The following SMNDC1 variants were observed in gnomAD, a reference collection of about 807,000 sequenced individuals.
SMNDC1 encodes survival motor neuron domain containing 1.
A neutral mutation model predicts 29.2 loss-of-function variants in SMNDC1; 5 were observed. That is an observed-to-expected ratio of 0.17 (90% CI 0.09 to 0.36). The LOEUF (loss-of-function observed/expected upper bound fraction) is 0.36. SMNDC1 is among the 10% of genes least tolerant of loss of function. The pLI is 1.00. For synonymous variants in SMNDC1, 80 were observed against 89.9 expected (o/e 0.89, Z 0.62); for missense variants, 142 against 268.5 (o/e 0.53, Z 3.29).
intron 1 of SMNDC1, 101 bp from the exon 2 acceptor site, chr10:110,303,688 A>G: frequency 9.3e-7 from 1 of 1,079,882 alleles, no homozygotes; most frequent in Non-Finnish European, 1.3e-6. Context: ...TTTTGCCTCT[A>G]ACTCCTTCTA....
rs377458946 is a variant in SMNDC1, at chr10:110,295,410, G to C, written c.426-29C>G. 17 of 1,543,276 alleles carry C rather than the reference G, an allele frequency of 1.1e-5. No individual in the cohort carries two copies. The African/African-American group carries it at 2.1e-4, about 19-fold the overall frequency. Reference sequence around the variant, plus strand: ...CATGAAAAAAAGTTAAATGTCAACTGTTAAGACTTATCATACAAGAATGAC... The same window carrying C: ...CATGAAAAAAAGTTAAATGTCAACTCTTAAGACTTATCATACAAGAATGAC... On this transcript the variant is annotated intron_variant, in intron 4 of 5. Transcript: ENST00000369603.
At chr10:110,304,480 C>G (rs1273379269) in intron 1 of SMNDC1, 2 of 152,408 alleles carry the variant, frequency 1.3e-5, no homozygotes, top group Non-Finnish European at 2.9e-5. Context: ...CGCGCTCCAA[C>G]AGGCAGGCTC....
intron 5 of SMNDC1, 28 bp downstream of exon 5, chr10:110,295,200 T>C: frequency 6.4e-7 from 1 of 1,559,272 alleles, no homozygotes; most frequent in Non-Finnish European, 8.6e-7. Flanking sequence ...ATTTCTCAAA[T>C]TTACAAAGTG....
At chr10:110,301,614 T>C (rs1406751025) in intron 2 of SMNDC1, among the ~76,000 whole-genome samples, 1 of 152,234 alleles carries the variant, frequency 6.6e-6, no homozygotes, top group African/African-American at 2.4e-5. Context: ...TAAGTAAACC[T>C]AGCTGTATTT....
Position 110,303,455 on chromosome 10 carries a change from T to C in SMNDC1, c.120+13A>G. On this transcript the variant is annotated intron_variant, in intron 2 of 5. Transcript: ENST00000369603. ...AAAACAGAGAAAAAGTACAATTGTC[T>C]ACCCATACTTACTTGTAAATCTTTC... 6.4e-7 allele frequency: 1 copy of C among 1,560,594 alleles called. No individual in the cohort carries two copies. Among genetic ancestry groups the C allele is most frequent in the Non-Finnish European group, 8.6e-7 (1 of 1,162,156 alleles).
At chr10:110,303,650 A>T (rs1471156620) in intron 1 of SMNDC1, 63 bp from the exon 2 acceptor site, 1 of 1,508,566 alleles carries the variant, frequency 6.6e-7, no homozygotes, top group Non-Finnish European at 8.8e-7. Flanking sequence ...ATAAAAAACT[A>T]ACTCCCCTGT....
intron 4 of SMNDC1, among the ~76,000 whole-genome samples, chr10:110,296,178 A>G (rs978640341): frequency 2.0e-5 from 3 of 152,312 alleles, no homozygotes; most frequent in African/African-American, 7.2e-5. Flanking sequence ...TCTCACCAAA[A>G]CAAAACACCT....
At chr10:110,304,036 C>T (rs538450145) in intron 1 of SMNDC1, 1 of 155,200 alleles carries the variant, frequency 6.4e-6, no homozygotes, top group Non-Finnish European at 1.4e-5. Context: ...ACACAAACTA[C>T]GATCTTTACT....
intron 4 of SMNDC1, 129 bp from the exon 5 acceptor site, chr10:110,295,510 A>T (rs1030486466): frequency 3.4e-6 from 2 of 590,602 alleles, no homozygotes; most frequent in Non-Finnish European, 5.5e-6. Flanking sequence ...AAAAGTACTA[A>T]ATCATTAAAA....
chr10:110,299,564 G>A (rs562269867), intron 2 of SMNDC1, among the ~76,000 whole-genome samples: 1 of 152,204 alleles, frequency 6.6e-6, no homozygotes, highest in South Asian at 2.1e-4. Flanking sequence ...ATTGAGAACA[G>A]TACAAGCCGA....
intron 1 of SMNDC1, 111 bp from the exon 2 acceptor site, chr10:110,303,698 A>C: frequency 1.0e-6 from 1 of 978,444 alleles, no homozygotes; most frequent in Non-Finnish European, 1.5e-6. Context: ...AACTCCTTCT[A>C]ACACTGCAGC....
rs1019800168 is a variant in SMNDC1 at position 110,300,714 on chromosome 10, C to T, written c.121-1924G>A. 3.1e-5 allele frequency: 31 copies of T among 985,238 alleles called. No individual in the cohort carries two copies. In the South Asian group the frequency reaches 7.5e-4, roughly 24 times the overall value. The allele number at this position is 985,238 out of a possible 1,614,324, so 61.0% of individuals were successfully genotyped here. The stretch of plus-strand genomic sequence containing the variant: ...AAGCACTCTGCTTACTGAAGGAAGG[C>T]GTTTCGGGGATGCAGAGAGCCACTG... On this transcript the variant is annotated intron_variant, in intron 2 of 5. Transcript: ENST00000369603.
chr10:110,294,383 C>A, intron 5 of SMNDC1, 96 bp from the exon 6 acceptor site: 2 of 1,056,170 alleles, frequency 1.9e-6, no homozygotes, highest in Admixed American at 2.9e-5. Flanking sequence ...CTGGTTTCAA[C>A]GTTTAAAAGA....
chr10:110,295,452 G>T, intron 4 of SMNDC1, 71 bp from the exon 5 acceptor site: 1 of 1,254,154 alleles, frequency 8.0e-7, no homozygotes, highest in Non-Finnish European at 1.1e-6. Context: ...GAAGACACCG[G>T]CAGTGCAAAA....
chr10:110,300,926 T>C (rs78890539), intron 2 of SMNDC1, among the ~76,000 whole-genome samples: 7,687 of 152,294 alleles, frequency 0.05, 282 homozygotes, highest in Middle Eastern at 0.15. Context: ...TAGTAGATTA[T>C]TTTGCTGCCT....
rs763744840 is a variant in SMNDC1 at position 110,298,741 on chromosome 10, G to A, written c.170C>T (p.Thr57Met). Residue 57 changes from threonine (T) to methionine (M), a missense_variant, in exon 3 of 6, where the codon ACG becomes ATG. Around this residue, in one of 4 missense-constraint regions of SMNDC1, gnomAD observed 65 missense variants for 75.9 expected, o/e 0.86. Transcript: ENST00000369603. Reference protein sequence around the residue: ...KDLLSTQPSETLASSDSFAST... With the variant: ...KDLLSTQPSEMLASSDSFAST... ...AGCAAAACTGTCTGAACTTGCAAGC[G>A]TCTCAGAAGGTTGAGTTGACAGAAG... 6.8e-6 allele frequency: 11 copies of A among 1,613,410 alleles called. No individual in the cohort carries two copies. Among genetic ancestry groups the A allele is most frequent in the African/African-American group, 5.3e-5 (4 of 74,870 alleles).
intron 2 of SMNDC1, among the ~76,000 whole-genome samples, chr10:110,302,937 T>C (rs943374322): frequency 6.6e-6 from 1 of 152,172 alleles, no homozygotes; most frequent in Non-Finnish European, 1.5e-5. Context: ...AGTCTGAACA[T>C]CTATGTAACA....
intron 4 of SMNDC1, among the ~76,000 whole-genome samples, chr10:110,296,436 A>C (rs1404102091): frequency 6.6e-6 from 1 of 152,242 alleles, no homozygotes; most frequent in East Asian, 1.9e-4. Flanking sequence ...TGGAATGCTT[A>C]CATTAATATA....
intron 3 of SMNDC1, among the ~76,000 whole-genome samples, chr10:110,298,103 C>T (rs1024226497): frequency 6.6e-6 from 1 of 152,162 alleles, no homozygotes; most frequent in Non-Finnish European, 1.5e-5. Flanking sequence ...ATTCTCATGC[C>T]TCAGTCTCCC....
Sources: allele counts gnomAD v4.1 joint callset (sites outside exome capture counted in the v4.1 genomes callset), GRCh38; gene constraint gnomAD v4.1.1; regional missense constraint gnomAD v4.1.1; transcripts MANE v1.5; gene names NCBI Gene and HGNC (gene_info 2026-07-23, HGNC 2026-07-21).